Variants in MYL1 observed in about 807,000 individuals in gnomAD.
MYL1 encodes myosin light chain 1, also known as myosin light chain 1/3, skeletal muscle isoform.
MYL1 carries 16 observed loss-of-function variants against 21.8 expected under a neutral mutation model. The ratio of observed to expected loss-of-function variants is 0.74; its 90% CI spans 0.50 to 1.12. The LOEUF is 1.12. Ranked by LOEUF, MYL1 falls within the 50% of genes most tolerant of loss-of-function variation. MYL1 has a pLI of 0.00. For missense variants in MYL1, 246 were observed against 241.0 expected (o/e 1.02, Z -0.14); for synonymous variants, 99 against 85.2 (o/e 1.16, Z -0.89).
intron 3 of MYL1, 91 bp from the exon 4 acceptor site, chr2:210,294,509 T>C: frequency 8.1e-7 from 1 of 1,236,000 alleles, no homozygotes; most frequent in South Asian, 1.5e-5. Context: ...CTAGGTTATC[T>C]GAAAAACCTT....
In MYL1 at chr2:210,293,693, G is replaced by A. The variant is rs769709747; in HGVS notation, c.556+30C>T. 3 of 1,598,214 alleles carry A rather than the reference G, an allele frequency of 1.9e-6. No homozygotes were observed. The Admixed American group carries it at 5.0e-5, about 27-fold the overall frequency. ...TCATCAATCTGATCAGTTAAGAGTTGCTGTAACCACCAGTGAGCATTGATT... is the reference window on the plus strand; with the variant it reads ...TCATCAATCTGATCAGTTAAGAGTTACTGTAACCACCAGTGAGCATTGATT... On this transcript the variant is annotated intron_variant, in intron 5 of 6. Coordinates refer to ENST00000352451, the MANE Select transcript of MYL1 (RefSeq NM_079420.3).
intron 1 of MYL1, among the ~76,000 whole-genome samples, chr2:210,313,549 AT>A (rs1230300598): frequency 6.6e-6 from 1 of 152,024 alleles, no homozygotes; most frequent in Admixed American, 6.5e-5. Context: ...CCTGACATGC[AT>A]TTTTTTGTCC....
chr2:210,313,829 T>A (rs2125745619), intron 1 of MYL1, among the ~76,000 whole-genome samples: 1 of 152,216 alleles, frequency 6.6e-6, no homozygotes. Flanking sequence ...AATGTTTGTT[T>A]ATGGGTCAGC....
At position 210,295,901 on chromosome 2, in the gene MYL1, G is replaced by A. The variant is rs190909109; in HGVS notation, c.305-1483C>T. Among the ~76,000 whole-genome samples the A allele has an allele frequency of 1.3e-4, 20 of 151,652 alleles. No homozygotes were observed. In the East Asian group the frequency reaches 3.9e-3, roughly 29 times the overall value. ...CTATTGCTTGCTCACTTTATCTCATGCTCTTGGCTTTTCTACATGATGTAA... is the reference window on the plus strand; with the variant it reads ...CTATTGCTTGCTCACTTTATCTCATACTCTTGGCTTTTCTACATGATGTAA... On this transcript the variant is annotated intron_variant, in intron 3 of 6. Transcript: ENST00000352451.
chr2:210,301,442 C>A (rs1690263934), intron 2 of MYL1, among the ~76,000 whole-genome samples: 1 of 151,932 alleles, frequency 6.6e-6, no homozygotes, highest in South Asian at 2.1e-4. Context: ...ATGTGGAATC[C>A]TTTAGGTAGA....
chr2:210,300,505 T>G (rs1400588373), intron 2 of MYL1, among the ~76,000 whole-genome samples: 1 of 152,092 alleles, frequency 6.6e-6, no homozygotes, highest in Non-Finnish European at 1.5e-5. Context: ...GAGTCTATAC[T>G]GGCAGCAAAG....
intron 1 of MYL1, among the ~76,000 whole-genome samples, chr2:210,311,466 C>T (rs944323066): frequency 2.6e-5 from 4 of 151,986 alleles, no homozygotes; most frequent in Admixed American, 2.6e-4. Context: ...GCATTCTGTA[C>T]CTTTACCACG....
intron 1 of MYL1, among the ~76,000 whole-genome samples, chr2:210,311,332 CA>C (rs1690416340): frequency 6.6e-6 from 1 of 152,046 alleles, no homozygotes; most frequent in Non-Finnish European, 1.5e-5. Context: ...GAATACCCAT[CA>C]GTAAGTAAAT....
chr2:210,292,683 A>G (rs1210296135), intron 5 of MYL1, among the ~76,000 whole-genome samples: 1 of 152,156 alleles, frequency 6.6e-6, no homozygotes, highest in East Asian at 1.9e-4. Flanking sequence ...TGTCACTGTT[A>G]GAAAAAACGT....
At chr2:210,306,355 T>G (rs1690341867) in intron 1 of MYL1, among the ~76,000 whole-genome samples, 1 of 145,164 alleles carries the variant, frequency 6.9e-6, no homozygotes. Flanking sequence ...TACCCCAGCC[T>G]GGGCTACAGA....
chr2:210,303,688 G>A, intron 1 of MYL1: 1 of 1,224,510 alleles, frequency 8.2e-7, no homozygotes, highest in Admixed American at 2.9e-5. Context: ...TCAGGTTTCA[G>A]AGATAAGTTG....
chr2:210,308,213 T>C (rs1300973994), intron 1 of MYL1, among the ~76,000 whole-genome samples: 1 of 151,690 alleles, frequency 6.6e-6, no homozygotes, highest in Non-Finnish European at 1.5e-5. Context: ...AAGACCTGGA[T>C]GTATATAAAT....
At chr2:210,293,871 G>A (rs1300147058) in intron 4 of MYL1, 71 bp from the exon 5 acceptor site, 4 of 1,352,468 alleles carry the variant, frequency 3.0e-6, no homozygotes, top group Non-Finnish European at 2.1e-6. Context: ...TAGGTCATCA[G>A]TCAAGGGCTC....
At position 210,302,512 on chromosome 2, in the gene MYL1, C is replaced by T. The variant is rs753537507; in HGVS notation, c.136G>A (p.Glu46Lys). The change falls in exon 2 of 7, where the codon GAG becomes AAG. Residue 46 changes from glutamate to lysine, a missense_variant. Transcript: ENST00000352451. ...EKIDLSAIKI[E>K]FSKEQQDEFK... is the part of the protein sequence containing the mutation. Reference sequence around the variant, plus strand: ...CCATCCTGCTGTTCCTTAGAGAACTCGATCTGTTAGAAAGAAATTGACCAC... The same window carrying T: ...CCATCCTGCTGTTCCTTAGAGAACTTGATCTGTTAGAAAGAAATTGACCAC... The T allele has an allele frequency of 3.0e-5, 49 of 1,609,064 alleles. No homozygotes were observed. The highest frequency in any genetic ancestry group is 1.9e-4 in the South Asian group (17 of 90,024).
At chr2:210,306,083 A>G (rs1236499532) in intron 1 of MYL1, among the ~76,000 whole-genome samples, 1 of 147,144 alleles carries the variant, frequency 6.8e-6, no homozygotes, top group African/African-American at 2.5e-5. Flanking sequence ...AATTAAAAAA[A>G]TGAAAGTTGT....
intron 2 of MYL1, among the ~76,000 whole-genome samples, chr2:210,300,788 T>C (rs1690253254): frequency 6.6e-6 from 1 of 152,116 alleles, no homozygotes; most frequent in Non-Finnish European, 1.5e-5. Context: ...CTTTAGAATG[T>C]TGTCATTTTC....
At chr2:210,313,332 T>C (rs1031107267) in intron 1 of MYL1, among the ~76,000 whole-genome samples, 2 of 151,972 alleles carry the variant, frequency 1.3e-5, no homozygotes, top group Non-Finnish European at 2.9e-5. Flanking sequence ...CTGATTCATA[T>C]CTCTTATGTT....
chr2:210,302,361 T>A, intron 2 of MYL1, 127 bp downstream of exon 2: 1 of 784,058 alleles, frequency 1.3e-6, no homozygotes, highest in Non-Finnish European at 1.9e-6. Context: ...CGAGAGCAAT[T>A]TATATTCAGA....
chr2:210,307,688 A>G (rs749934324), intron 1 of MYL1, among the ~76,000 whole-genome samples: 25 of 152,296 alleles, frequency 1.6e-4, no homozygotes, highest in Admixed American at 3.3e-4. Flanking sequence ...TGTCGGATTT[A>G]GGTAACAGTA....
Sources: allele counts gnomAD v4.1 joint callset (sites outside exome capture counted in the v4.1 genomes callset), GRCh38; gene constraint gnomAD v4.1.1; transcripts MANE v1.5; gene names NCBI Gene and HGNC (gene_info 2026-07-23, HGNC 2026-07-21).